NRIP1: variants seen among roughly 807,000 people sequenced by gnomAD.
NRIP1 encodes nuclear receptor interacting protein 1.
Under a neutral mutation model 75.0 loss-of-function variants are expected in NRIP1, and 28 were observed. The ratio of observed to expected loss-of-function variants is 0.37; its 90% CI spans 0.28 to 0.51. NRIP1 has a LOEUF of 0.51. NRIP1 is among the 20% of genes least tolerant of loss of function. The probability of loss-of-function intolerance (pLI) is 0.92; values close to 1 mark genes in which losing one functional copy is unlikely to be tolerated. For synonymous variants in NRIP1, 526 were observed against 487.6 expected, an observed-to-expected ratio of 1.08 and a Z score of -1.04; for missense variants, 1,435 against 1,343.7, an observed-to-expected ratio of 1.07 and a Z score of -1.06.
intron 1 of NRIP1, chr21:15,051,275 T>TGTGTGTGCGCGC (rs149796466): frequency 3.3e-5 from 6 of 179,264 alleles, no homozygotes; most frequent in East Asian, 1.5e-4. Flanking sequence ...CAGAACTCTG[T>TGTGTGTGCGCGC]GTGTGTGTGC....
At chr21:15,057,691 A>G (rs1170725104) in intron 1 of NRIP1, among the ~76,000 whole-genome samples, 1 of 152,204 alleles carries the variant, frequency 6.6e-6, no homozygotes, top group Non-Finnish European at 1.5e-5. Flanking sequence ...ACAATGGCAT[A>G]TTCTTTAAGA....
chr21:14,964,995 T>C lies in NRIP1; in HGVS notation c.3198A>G (p.Pro1066=). 1.2e-6 allele frequency: 2 copies of C among 1,613,998 alleles called. No individual in the cohort carries two copies. Among genetic ancestry groups the C allele is most frequent in the Non-Finnish European group, 1.7e-6 (2 of 1,179,912 alleles). Residue 1066 remains proline, a synonymous_variant, in exon 4 of 4, where the codon CCA becomes CCG. Coordinates refer to ENST00000318948, the MANE Select transcript of NRIP1 (RefSeq NM_003489.4). ...CTTTTTGAAGCATGTAATATAGTAT[T>C]GGGTTGGTTTTGGTCAATCTTGGAG... is the stretch of plus-strand genomic sequence containing the variant. ...KDSPRLTKTN[P]ILYYMLQKGG...
chr21:14,988,457 A>ATAGATAGATAGG (rs200763678), intron 3 of NRIP1, among the ~76,000 whole-genome samples: 4 of 151,038 alleles, frequency 2.6e-5, no homozygotes, highest in African/African-American at 7.3e-5. Context: ...AGATAGATAG[A>ATAGATAGATAGG]CAGACAGATA....
rs1179512186 is a variant in NRIP1, at chr21:15,045,905, T to C, written c.-537-2331A>G. On this transcript the variant is annotated intron_variant, in intron 1 of 3. Coordinates refer to ENST00000318948, the MANE Select transcript of NRIP1 (RefSeq NM_003489.4). ...TCTATAAGGAGTAACTCCTCATCCGTCCATGTTTTCTCATGAGATTATACA... is the reference window on the plus strand; with the variant it reads ...TCTATAAGGAGTAACTCCTCATCCGCCCATGTTTTCTCATGAGATTATACA... Among the ~76,000 whole-genome samples, 4 of 152,240 alleles carry C rather than the reference T, an allele frequency of 2.6e-5. 1 individual carries two copies. Among genetic ancestry groups the C allele is most frequent in the Admixed American group, 2.0e-4 (3 of 15,286 alleles).
chr21:15,022,949 C>G (rs551960927), intron 2 of NRIP1, among the ~76,000 whole-genome samples: 2 of 152,148 alleles, frequency 1.3e-5, no homozygotes, highest in Non-Finnish European at 2.9e-5. Context: ...AACTTTATTA[C>G]GCTCAGTGAA....
chr21:14,961,966 C>T lies in NRIP1; in HGVS notation c.*2750G>A, dbSNP rs893328058. 1 of 148,180 alleles carries T rather than the reference C, an allele frequency of 6.7e-6. No individual in the cohort carries two copies. Among genetic ancestry groups the T allele is most frequent in the African/African-American group, 2.5e-5 (1 of 40,520 alleles). The allele number at this position is 148,180 out of a possible 1,614,324, so 9.2% of individuals were successfully genotyped here. On this transcript the variant is annotated 3_prime_UTR_variant, in exon 4 of 4. Coordinates refer to ENST00000318948, the MANE Select transcript of NRIP1 (RefSeq NM_003489.4). ...TCACTATTTACATCACCTTTAAAAA[C>T]CGATTTTAACATCTTCATGTAACAA...
chr21:14,985,734 A>G (rs2087381406), intron 3 of NRIP1, among the ~76,000 whole-genome samples: 1 of 152,114 alleles, frequency 6.6e-6, no homozygotes, highest in African/African-American at 2.4e-5. Flanking sequence ...TCTGGTATGG[A>G]TTTAGGTTAT....
At chr21:15,015,033 G>C (rs1393277641) in intron 2 of NRIP1, among the ~76,000 whole-genome samples, 3 of 151,998 alleles carry the variant, frequency 2.0e-5, no homozygotes, top group African/African-American at 4.8e-5. Flanking sequence ...CCATCAATAG[G>C]TGAATGAATC....
intron 3 of NRIP1, among the ~76,000 whole-genome samples, chr21:15,001,738 T>G (rs73891924): frequency 1.1e-3 from 173 of 152,296 alleles, no homozygotes; most frequent in African/African-American, 4.1e-3. Flanking sequence ...GAAAATCTCT[T>G]TCCTTTGCAC....
At chr21:15,045,281 T>C (rs774815227) in intron 1 of NRIP1, among the ~76,000 whole-genome samples, 8 of 152,096 alleles carry the variant, frequency 5.3e-5, no homozygotes, top group Non-Finnish European at 1.0e-4. Context: ...TCTAAGCACA[T>C]AAAGGCATAC....
intron 1 of NRIP1, 30 bp downstream of exon 1, chr21:15,064,715 C>G (rs1017630291): frequency 6.7e-6 from 1 of 149,900 alleles, no homozygotes. Flanking sequence ...GGCCGCTACT[C>G]CTGGCGCCCT....
At chr21:15,064,198 G>C (rs2147450042) in intron 1 of NRIP1, among the ~76,000 whole-genome samples, 1 of 152,352 alleles carries the variant, frequency 6.6e-6, no homozygotes, top group South Asian at 2.1e-4. Flanking sequence ...CCTCGCCATC[G>C]GGAGGGGACC....
chr21:15,038,013 T>A (rs1340182001), intron 2 of NRIP1, among the ~76,000 whole-genome samples: 2 of 152,048 alleles, frequency 1.3e-5, no homozygotes, highest in Non-Finnish European at 2.9e-5. Context: ...AAACCAAAAC[T>A]CATAATTCTT....
intron 1 of NRIP1, among the ~76,000 whole-genome samples, chr21:15,061,433 A>C (rs1342891351): frequency 6.6e-6 from 1 of 152,158 alleles, no homozygotes; most frequent in East Asian, 1.9e-4. Flanking sequence ...ATGGAAGAAA[A>C]TATCCAAAGA....
chr21:15,009,291 A>C (rs1031996506), intron 3 of NRIP1, among the ~76,000 whole-genome samples: 9 of 152,236 alleles, frequency 5.9e-5, no homozygotes, highest in African/African-American at 2.2e-4. Flanking sequence ...AATTTACCAT[A>C]CAAGGAGTAA....
At chr21:15,064,428 A>C (rs1978659790) in intron 1 of NRIP1, among the ~76,000 whole-genome samples, 2 of 151,678 alleles carry the variant, frequency 1.3e-5, no homozygotes, top group Admixed American at 1.3e-4. Flanking sequence ...GGCAACCCCG[A>C]CCCGGCCCCC....
At chr21:15,038,656 GA>G (rs931886895) in intron 2 of NRIP1, among the ~76,000 whole-genome samples, 26 of 151,948 alleles carry the variant, frequency 1.7e-4, no homozygotes, top group Admixed American at 1.4e-3. Flanking sequence ...TCAGTTTGAT[GA>G]AAAAAACTAC....
chr21:15,058,141 T>C (rs1009846918), intron 1 of NRIP1, among the ~76,000 whole-genome samples: 2 of 152,180 alleles, frequency 1.3e-5, no homozygotes, highest in Non-Finnish European at 2.9e-5. Flanking sequence ...CCGGGGGAGA[T>C]AAAAGGGCTT....
At chr21:15,013,493 CAG>C (rs757674327) in intron 3 of NRIP1, among the ~76,000 whole-genome samples, 96 of 152,114 alleles carry the variant, frequency 6.3e-4, no homozygotes, top group Non-Finnish European at 9.9e-4. Flanking sequence ...TCTCTTTGAC[CAG>C]AGTTTTTCAG....
Sources: allele counts gnomAD v4.1 joint callset (sites outside exome capture counted in the v4.1 genomes callset), GRCh38; gene constraint gnomAD v4.1.1; transcripts MANE v1.5; gene names NCBI Gene and HGNC (gene_info 2026-07-23, HGNC 2026-07-21).